GLIS3: variants seen among roughly 807,000 people sequenced by gnomAD.
GLIS3 encodes the protein GLIS family zinc finger 3, also known as zinc finger protein GLIS3.
A neutral mutation model predicts 78.6 loss-of-function variants in GLIS3; 53 were observed. The ratio of observed to expected loss-of-function variants is 0.67; its 90% CI spans 0.54 to 0.85. The LOEUF (loss-of-function observed/expected upper bound fraction) is 0.85, where lower values mean the gene tolerates loss of function less well. Among genes scored for constraint, GLIS3 ranks in the 40% least tolerant of loss-of-function variants. GLIS3 has a pLI of 0.00. For missense variants in GLIS3, 1,703 were observed against 1,231.1 expected, an observed-to-expected ratio of 1.38 and a Z score of -5.74; for synonymous variants, 684 against 509.9, an observed-to-expected ratio of 1.34 and a Z score of -4.60.
At chr9:4,131,434 C>A (rs1230970695) in intron 2 of GLIS3, among the ~76,000 whole-genome samples, 1 of 152,102 alleles carries the variant, frequency 6.6e-6, no homozygotes, top group Non-Finnish European at 1.5e-5. Flanking sequence ...GGAGGTGGGG[C>A]CTGGTGGGAG....
intron 4 of GLIS3, among the ~76,000 whole-genome samples, chr9:3,960,990 G>A (rs765541710): frequency 6.6e-6 from 1 of 152,100 alleles, no homozygotes; most frequent in Non-Finnish European, 1.5e-5. Context: ...TAAAGAATTG[G>A]GGAATTTTAA....
chr9:3,855,595 T>G, intron 9 of GLIS3: 1 of 262,586 alleles, frequency 3.8e-6, no homozygotes, highest in Non-Finnish European at 7.4e-6. Flanking sequence ...GGAGGTGTCA[T>G]TCCACCTGCG....
chr9:4,022,151 G>A (rs1822938646), intron 4 of GLIS3, among the ~76,000 whole-genome samples: 1 of 152,012 alleles, frequency 6.6e-6, no homozygotes, highest in Non-Finnish European at 1.5e-5. Flanking sequence ...AATTCTTACA[G>A]CAGCCTGCTA....
intron 4 of GLIS3, among the ~76,000 whole-genome samples, chr9:4,072,337 G>T (rs780853384): frequency 2.0e-5 from 3 of 152,168 alleles, no homozygotes; most frequent in Non-Finnish European, 4.4e-5. Context: ...GAAATACTGT[G>T]AAAAGATTCA....
chr9:4,187,307 G>A (rs1410104398), intron 2 of GLIS3, among the ~76,000 whole-genome samples: 3 of 152,126 alleles, frequency 2.0e-5, no homozygotes, highest in Non-Finnish European at 2.9e-5. Flanking sequence ...GATACTTGTA[G>A]ATATGCTGCG....
At chr9:4,441,061 T>G in the GLIS3 span, among the ~76,000 whole-genome samples, 3 of 152,170 alleles carry the variant, frequency 2.0e-5, no homozygotes, top group African/African-American at 7.2e-5. Context: ...GGCACAGTCT[T>G]TAGGGTTTTC....
At chr9:4,159,051 C>CAAAAAAAAAAA (rs1835272221) in intron 2 of GLIS3, among the ~76,000 whole-genome samples, 1 of 91,486 alleles carries the variant, frequency 1.1e-5, no homozygotes, top group Admixed American at 9.7e-5. Flanking sequence ...AAAAAAAAAG[C>CAAAAAAAAAAA]CAGGCTAGCT....
chr9:3,860,272 C>CAAAAAAAAAAA (rs59923144), intron 8 of GLIS3, among the ~76,000 whole-genome samples: 32 of 53,612 alleles, frequency 6.0e-4, no homozygotes, highest in East Asian at 2.6e-3. Flanking sequence ...AAGACTCTGT[C>CAAAAAAAAAAA]AAAAAAAAAA....
intron 4 of GLIS3, among the ~76,000 whole-genome samples, chr9:4,080,873 G>A (rs1588624587): frequency 1.3e-5 from 2 of 152,164 alleles, no homozygotes; most frequent in African/African-American, 4.8e-5. Flanking sequence ...TTGACCCCCG[G>A]GCGTACATCG....
At chr9:4,035,243 A>G (rs1824204433) in intron 4 of GLIS3, among the ~76,000 whole-genome samples, 2 of 152,154 alleles carry the variant, frequency 1.3e-5, no homozygotes, top group South Asian at 2.1e-4. Flanking sequence ...AGGTGAAAGC[A>G]TTAAGACTTG....
chr9:4,464,858 G>C, the GLIS3 span, among the ~76,000 whole-genome samples: 2 of 152,224 alleles, frequency 1.3e-5, no homozygotes, highest in African/African-American at 4.8e-5. Flanking sequence ...CTTCACATTT[G>C]AGTTTAAACC....
intron 2 of GLIS3, among the ~76,000 whole-genome samples, chr9:4,269,168 T>C (rs1183685603): frequency 6.6e-6 from 1 of 152,234 alleles, no homozygotes; most frequent in African/African-American, 2.4e-5. Flanking sequence ...AAAATGTCTC[T>C]GCGTCACTCT....
At chr9:3,978,061 T>C (rs779869377) in intron 4 of GLIS3, among the ~76,000 whole-genome samples, 1 of 152,124 alleles carries the variant, frequency 6.6e-6, no homozygotes, top group Non-Finnish European at 1.5e-5. Flanking sequence ...CATGAAAAGC[T>C]CCCAGAGAAT....
chr9:3,857,150 G>T (rs1819849578), intron 8 of GLIS3, among the ~76,000 whole-genome samples: 1 of 152,212 alleles, frequency 6.6e-6, no homozygotes, highest in South Asian at 2.1e-4. Flanking sequence ...AAAGGAGCAG[G>T]AAGTCTGTCA....
At chr9:4,065,252 C>T (rs1042708920) in intron 4 of GLIS3, among the ~76,000 whole-genome samples, 1 of 152,160 alleles carries the variant, frequency 6.6e-6, no homozygotes, top group Admixed American at 6.5e-5. Flanking sequence ...CTCCACAGAG[C>T]CCTGCTGTGC....
chr9:3,960,206 A>G (rs761297143), intron 4 of GLIS3, among the ~76,000 whole-genome samples: 1 of 152,152 alleles, frequency 6.6e-6, no homozygotes, highest in African/African-American at 2.4e-5. Context: ...TTACAGGGAG[A>G]ACACTGTGTA....
Position 4,240,974 on chromosome 9 carries a change from C to T in GLIS3, c.388+45064G>A, listed in dbSNP as rs370764806. Among the ~76,000 whole-genome samples the T allele has an allele frequency of 4.1e-3, 607 of 146,394 alleles. 3 individuals carry two copies. The highest frequency in any genetic ancestry group is 6.9e-3 in the Non-Finnish European group (456 of 66,206). On this transcript the variant is annotated intron_variant, in intron 2 of 10. Transcript: ENST00000381971. The stretch of plus-strand genomic sequence containing the variant: ...GTATGAGTGTGTGTGTGTGTGTGTA[C>T]GTGTGTACATATTTTAAACTAATTT...
At chr9:3,919,404 C>T (rs1318951729) in intron 6 of GLIS3, among the ~76,000 whole-genome samples, 4 of 152,098 alleles carry the variant, frequency 2.6e-5, no homozygotes, top group African/African-American at 9.7e-5. Context: ...GTGTTCTCAT[C>T]ATTTAGCTCC....
intron 2 of GLIS3, among the ~76,000 whole-genome samples, chr9:4,238,760 G>C (rs1823015792): frequency 6.6e-6 from 1 of 152,086 alleles, no homozygotes; most frequent in Non-Finnish European, 1.5e-5. Flanking sequence ...TTCCAGAGTT[G>C]GCTTTAATTA....
Sources: gnomAD v4.1 joint callset for allele counts (sites outside exome capture counted in the v4.1 genomes callset) on GRCh38, gnomAD v4.1.1 for gene constraint, MANE v1.5 for transcripts, NCBI Gene and HGNC (gene_info 2026-07-23, HGNC 2026-07-21) for gene names.